Variants in MAN2A1 observed in about 807,000 individuals in gnomAD.
The protein encoded by MAN2A1 is mannosidase alpha class 2A member 1.
In MAN2A1, 76 loss-of-function variants were observed where a neutral mutation model predicts 142.6. The observed-to-expected ratio is 0.53, with a 90% confidence interval of 0.44 to 0.65. The LOEUF is 0.65. Among genes scored for constraint, MAN2A1 ranks in the 30% least tolerant of loss-of-function variants. The pLI is 0.00. For missense variants in MAN2A1, 1,311 were observed against 1,365.1 expected, an observed-to-expected ratio of 0.96 and a Z score of 0.62; for synonymous variants, 559 against 473.2, an observed-to-expected ratio of 1.18 and a Z score of -2.35.
In MAN2A1 at chr5:109,853,611, A is replaced by G. The variant is rs1287658441; in HGVS notation, c.2977-1529A>G. Reference sequence around the variant, plus strand: ...TTTCTTGACCTAGAGTGGACTTAATACTTCCCAGATTTGATGAGGGAGGTG... The same window carrying G: ...TTTCTTGACCTAGAGTGGACTTAATGCTTCCCAGATTTGATGAGGGAGGTG... On this transcript the variant is annotated intron_variant, in intron 19 of 21. Transcript: ENST00000261483. 2.0e-5 allele frequency: 3 copies of G among 152,284 alleles called. No individual in the cohort carries two copies. The East Asian group carries it at 5.8e-4, about 29-fold the overall frequency. The allele number at this position is 152,284 out of a possible 1,614,324, so 9.4% of individuals were successfully genotyped here.
chr5:109,801,274 C>T (rs772302969), intron 12 of MAN2A1, among the ~76,000 whole-genome samples: 1 of 152,086 alleles, frequency 6.6e-6, no homozygotes, highest in Non-Finnish European at 1.5e-5. Flanking sequence ...GTTCCTGCTT[C>T]TACATACAGT....
chr5:109,807,556 G>T lies in MAN2A1; in HGVS notation c.1944-9717G>T, dbSNP rs531348364. 4.6e-5 allele frequency among the ~76,000 whole-genome samples: 7 copies of T among 152,218 alleles called. No homozygotes were observed. The South Asian group carries it at 1.2e-3, about 27-fold the overall frequency. Reference sequence around the variant, plus strand: ...AGAGATGACCTGCATTGCTTGGCCTGTGGCCCCTTCCTTGTATATCCCATC... The same window carrying T: ...AGAGATGACCTGCATTGCTTGGCCTTTGGCCCCTTCCTTGTATATCCCATC... On this transcript the variant is annotated intron_variant, in intron 12 of 21. Coordinates refer to ENST00000261483, the MANE Select transcript of MAN2A1 (RefSeq NM_002372.4).
At chr5:109,727,480 T>C (rs1295445528) in intron 3 of MAN2A1, among the ~76,000 whole-genome samples, 4 of 152,162 alleles carry the variant, frequency 2.6e-5, no homozygotes, top group Non-Finnish European at 4.4e-5. Flanking sequence ...AGTCACATTC[T>C]GAGGTGGTGA....
At chr5:109,766,199 C>T (rs1380385059) in intron 5 of MAN2A1, among the ~76,000 whole-genome samples, 6 of 152,102 alleles carry the variant, frequency 3.9e-5, no homozygotes, top group Non-Finnish European at 8.8e-5. Context: ...ACATTCCAGT[C>T]TTCCACATTT....
chr5:109,737,078 A>G (rs1328855445), intron 4 of MAN2A1, among the ~76,000 whole-genome samples: 1 of 145,192 alleles, frequency 6.9e-6, no homozygotes, highest in East Asian at 2.1e-4. Context: ...GCCATAGAAT[A>G]TGGACTGTAT....
intron 20 of MAN2A1, among the ~76,000 whole-genome samples, chr5:109,861,491 T>C (rs1307399392): frequency 2.0e-5 from 3 of 152,192 alleles, no homozygotes; most frequent in African/African-American, 7.2e-5. Context: ...TTGTTAATAA[T>C]TCCTCAGATA....
chr5:109,755,441 C>A lies in MAN2A1; in HGVS notation c.820C>A (p.Leu274Met). Residue 274 changes from leucine (L) to methionine (M), a missense_variant, in exon 5 of 22, where the codon CTG (leucine) becomes ATG (methionine). Physicochemically the swap from Leu to Met is conservative, Grantham distance 15 (BLOSUM62 2). Transcript: ENST00000261483. ...IDQLIEGHQW[L>M]ENNIGVKPRS... Reference sequence around the variant, plus strand: ...TCAACTAATTGAAGGACATCAGTGGCTGGAAAATAATATAGGTATGTATTG... The same window carrying A: ...TCAACTAATTGAAGGACATCAGTGGATGGAAAATAATATAGGTATGTATTG... The A allele has an allele frequency of 6.2e-7, 1 of 1,611,238 alleles. No individual in the cohort carries two copies. Among genetic ancestry groups the A allele is most frequent in the Non-Finnish European group, 8.5e-7 (1 of 1,177,640 alleles).
intron 4 of MAN2A1, among the ~76,000 whole-genome samples, chr5:109,754,932 C>T (rs4957833): frequency 0.39 from 59,744 of 152,110 alleles, 12,709 homozygotes; most frequent in African/African-American, 0.57. Flanking sequence ...ACCTGGGAGG[C>T]GGAGGTTGCA....
At chr5:109,850,586 A>C (rs1215727156) in intron 19 of MAN2A1, among the ~76,000 whole-genome samples, 1 of 152,218 alleles carries the variant, frequency 6.6e-6, no homozygotes, top group African/African-American at 2.4e-5. Flanking sequence ...TCTGCATAGG[A>C]AAATCATTGT....
intron 12 of MAN2A1, among the ~76,000 whole-genome samples, chr5:109,799,149 T>A (rs1245180056): frequency 6.6e-6 from 1 of 152,200 alleles, no homozygotes; most frequent in Non-Finnish European, 1.5e-5. Flanking sequence ...AATACGGTTA[T>A]GTGTATGAAC....
intron 4 of MAN2A1, among the ~76,000 whole-genome samples, chr5:109,741,331 TC>T (rs1198994427): frequency 3.3e-5 from 5 of 152,080 alleles, no homozygotes; most frequent in Non-Finnish European, 4.4e-5. Context: ...GTAATAGCAT[TC>T]CCCCCCACTT....
rs751266065 is a variant in MAN2A1, at chr5:109,789,519, G to A, written c.1935G>A (p.Ala645=). ...AAAAAAATATAATAAGGCTGAGTGC[G>A]GAGCCAAGGTAAATTCATAATTTCT... The part of the protein sequence containing the change: ...LPQKNIIRLS[A]EPRYLVVYNP... The change falls in exon 12 of 22, where the codon GCG becomes GCA. Residue 645 remains alanine (A), a synonymous_variant. Coordinates refer to ENST00000261483, the MANE Select transcript of MAN2A1 (RefSeq NM_002372.4). 64 of 1,568,142 alleles carry A rather than the reference G, an allele frequency of 4.1e-5. No homozygotes were observed. Among genetic ancestry groups the A allele is most frequent in the East Asian group, 2.5e-4 (11 of 43,462 alleles).
At chr5:109,736,971 C>G (rs986709014) in intron 4 of MAN2A1, among the ~76,000 whole-genome samples, 8 of 151,092 alleles carry the variant, frequency 5.3e-5, no homozygotes, top group African/African-American at 1.9e-4. Context: ...CTACTGTTTT[C>G]TTTTTGACTT....
intron 4 of MAN2A1, among the ~76,000 whole-genome samples, chr5:109,741,356 A>G (rs549787232): frequency 6.6e-6 from 1 of 152,344 alleles, no homozygotes; most frequent in African/African-American, 2.4e-5. Flanking sequence ...TGAACAAAAC[A>G]TTCTTAGTGT....
At chr5:109,696,479 A>G (rs1750815792) in intron 1 of MAN2A1, among the ~76,000 whole-genome samples, 1 of 152,226 alleles carries the variant, frequency 6.6e-6, no homozygotes, top group African/African-American at 2.4e-5. Flanking sequence ...TTTAGTTTAA[A>G]ACTGGACATA....
chr5:109,866,351 G>A (rs1175812429), intron 21 of MAN2A1, among the ~76,000 whole-genome samples: 2 of 152,094 alleles, frequency 1.3e-5, no homozygotes, highest in African/African-American at 4.8e-5. Flanking sequence ...ATGACATAAT[G>A]ATCCCTCCTT....
At chr5:109,710,771 A>G (rs1008621362) in intron 1 of MAN2A1, among the ~76,000 whole-genome samples, 3 of 151,556 alleles carry the variant, frequency 2.0e-5, no homozygotes, top group African/African-American at 2.4e-5. Context: ...GCTCACCACA[A>G]CCTCCGCCTC....
At position 109,690,423 on chromosome 5, in the gene MAN2A1, G is replaced by A. The variant is rs201496731; in HGVS notation, c.6G>A (p.Lys2=). ...CCCCGAGTCTATCGAGGAAAATGAAGTTAAGCCGCCAGTTCACCGTGTTCG... is the reference window on the plus strand; with the variant it reads ...CCCCGAGTCTATCGAGGAAAATGAAATTAAGCCGCCAGTTCACCGTGTTCG... The part of the protein sequence containing the change: M[K]LSRQFTVFGS... Residue 2 remains lysine (K), a synonymous_variant, in exon 1 of 22, where the codon AAG becomes AAA. Coordinates refer to ENST00000261483, the MANE Select transcript of MAN2A1 (RefSeq NM_002372.4). 37 of 1,614,098 alleles carry A rather than the reference G, an allele frequency of 2.3e-5. No individual in the cohort carries two copies. In the Middle Eastern group the frequency reaches 9.9e-4, roughly 43 times the overall value.
At chr5:109,843,966 A>G (rs1755282134) in intron 17 of MAN2A1, among the ~76,000 whole-genome samples, 1 of 152,208 alleles carries the variant, frequency 6.6e-6, no homozygotes, top group African/African-American at 2.4e-5. Context: ...TTTCTCTTCT[A>G]TGATTTCCTG....
Sources: gnomAD v4.1 joint callset for allele counts (sites outside exome capture counted in the v4.1 genomes callset) on GRCh38, gnomAD v4.1.1 for gene constraint, MANE v1.5 for transcripts, NCBI Gene and HGNC (gene_info 2026-07-23, HGNC 2026-07-21) for gene names.